Variants in INSYN2B observed in about 807,000 individuals in gnomAD.
INSYN2B encodes inhibitory synaptic factor family member 2B, also known as protein INSYN2B.
A neutral mutation model predicts 41.2 loss-of-function variants in INSYN2B; 16 were observed. The ratio of observed to expected loss-of-function variants is 0.39; its 90% CI spans 0.26 to 0.59. INSYN2B has a LOEUF of 0.59. INSYN2B is among the 20% of genes least tolerant of loss of function. The pLI is 0.57. For missense variants in INSYN2B, 608 were observed against 646.4 expected (o/e 0.94, Z 0.64); for synonymous variants, 245 against 244.4 (o/e 1.00, Z -0.02).
At chr5:169,978,428 G>A (rs1348774574) in intron 1 of INSYN2B, among the ~76,000 whole-genome samples, 1 of 146,688 alleles carries the variant, frequency 6.8e-6, no homozygotes, top group Non-Finnish European at 1.5e-5. Context: ...TGCATTAGAG[G>A]TTGTTAAATA....
intron 1 of INSYN2B, among the ~76,000 whole-genome samples, chr5:169,897,909 C>T (rs943406385): frequency 6.6e-6 from 1 of 152,178 alleles, no homozygotes; most frequent in African/African-American, 2.4e-5. Flanking sequence ...AGATGAACAA[C>T]TCTAATAAAA....
chr5:169,918,220 C>T (rs188996883), intron 1 of INSYN2B, among the ~76,000 whole-genome samples: 200 of 152,298 alleles, frequency 1.3e-3, no homozygotes, highest in African/African-American at 4.6e-3. Flanking sequence ...ACTGCACATC[C>T]TGTTTTGTCT....
intron 1 of INSYN2B, among the ~76,000 whole-genome samples, chr5:169,930,494 G>T (rs1187603427): frequency 1.3e-5 from 2 of 152,104 alleles, no homozygotes; most frequent in East Asian, 3.8e-4. Flanking sequence ...TTCATTCATG[G>T]TAAATGAGTA....
intron 1 of INSYN2B, among the ~76,000 whole-genome samples, chr5:169,911,372 C>T (rs1774589437): frequency 6.6e-6 from 1 of 152,106 alleles, no homozygotes; most frequent in East Asian, 1.9e-4. Flanking sequence ...CATGCTATGG[C>T]GTTCACAGGA....
intron 1 of INSYN2B, among the ~76,000 whole-genome samples, chr5:169,967,420 CA>C (rs1444171718): frequency 6.6e-6 from 1 of 152,114 alleles, no homozygotes; most frequent in African/African-American, 2.4e-5. Context: ...CAGAGGTGAT[CA>C]GAATATGATC....
intron 1 of INSYN2B, among the ~76,000 whole-genome samples, chr5:169,908,691 G>C (rs546807428): frequency 4.7e-5 from 7 of 149,912 alleles, no homozygotes; most frequent in Admixed American, 2.0e-4. Flanking sequence ...AGGTTTCAAT[G>C]CATTTTTCTC....
At chr5:169,872,875 C>T (rs1772075917) in intron 3 of INSYN2B, among the ~76,000 whole-genome samples, 1 of 152,182 alleles carries the variant, frequency 6.6e-6, no homozygotes, top group Non-Finnish European at 1.5e-5. Context: ...GAATGTTAAT[C>T]CTATCCACAT....
intron 1 of INSYN2B, among the ~76,000 whole-genome samples, chr5:169,970,153 C>T (rs972453894): frequency 6.6e-6 from 1 of 152,160 alleles, no homozygotes. Flanking sequence ...AGTGATCAAT[C>T]GTTTGGTTTT....
At chr5:169,971,430 T>G (rs1452460319) in intron 1 of INSYN2B, among the ~76,000 whole-genome samples, 2 of 10,592 alleles carry the variant, frequency 1.9e-4, no homozygotes, top group African/African-American at 8.2e-3. Context: ...CCTAGAGCCT[T>G]TTTTTTTTTT....
At chr5:169,917,682 G>A (rs950548250) in intron 1 of INSYN2B, among the ~76,000 whole-genome samples, 1 of 152,154 alleles carries the variant, frequency 6.6e-6, no homozygotes, top group Non-Finnish European at 1.5e-5. Flanking sequence ...GAAATGAAGG[G>A]GAGAACATGT....
intron 1 of INSYN2B, among the ~76,000 whole-genome samples, chr5:169,925,654 GT>G (rs1180715663): frequency 6.8e-6 from 1 of 148,132 alleles, no homozygotes; most frequent in Non-Finnish European, 1.5e-5. Context: ...GATTGGTTGT[GT>G]GACCTGTGGG....
chr5:169,891,305 G>C (rs1186548861), intron 1 of INSYN2B, among the ~76,000 whole-genome samples: 1 of 152,132 alleles, frequency 6.6e-6, no homozygotes, highest in African/African-American at 2.4e-5. Flanking sequence ...TAGCTTATTT[G>C]TGTATTATCT....
At chr5:169,916,038 T>C (rs972177109) in intron 1 of INSYN2B, among the ~76,000 whole-genome samples, 1 of 152,186 alleles carries the variant, frequency 6.6e-6, no homozygotes, top group Non-Finnish European at 1.5e-5. Flanking sequence ...CATTTTCTCA[T>C]GTTTAGATTA....
chr5:169,951,775 T>C (rs1776677030), intron 1 of INSYN2B, among the ~76,000 whole-genome samples: 1 of 152,194 alleles, frequency 6.6e-6, no homozygotes, highest in South Asian at 2.1e-4. Context: ...TTAAGCCTCT[T>C]CCACACACTA....
intron 1 of INSYN2B, among the ~76,000 whole-genome samples, chr5:169,911,019 A>T (rs893727532): frequency 2.0e-5 from 3 of 152,180 alleles, no homozygotes; most frequent in African/African-American, 4.8e-5. Flanking sequence ...GCCCCAGGAA[A>T]AGCATTTCTA....
chr5:169,975,116 G>T (rs1466725501), intron 1 of INSYN2B, among the ~76,000 whole-genome samples: 1 of 152,204 alleles, frequency 6.6e-6, no homozygotes. Context: ...ACCTGCTGAA[G>T]GAGGGCCAGA....
chr5:169,946,680 C>T (rs146450652), intron 1 of INSYN2B, among the ~76,000 whole-genome samples: 9 of 152,296 alleles, frequency 5.9e-5, no homozygotes, highest in Admixed American at 2.6e-4. Flanking sequence ...CCTGGAGCTA[C>T]GTTCTAATGG....
intron 1 of INSYN2B, among the ~76,000 whole-genome samples, chr5:169,945,317 T>G (rs1448584299): frequency 6.6e-6 from 1 of 152,168 alleles, no homozygotes; most frequent in African/African-American, 2.4e-5. Context: ...TTCTCTTCTC[T>G]CCTCTAGTTA....
intron 1 of INSYN2B, among the ~76,000 whole-genome samples, chr5:169,961,378 C>T (rs1777080294): frequency 6.6e-6 from 1 of 152,248 alleles, no homozygotes; most frequent in South Asian, 2.1e-4. Flanking sequence ...TCTTGCCTTG[C>T]ATCAGGGGAA....
Sources: allele counts gnomAD v4.1 joint callset (sites outside exome capture counted in the v4.1 genomes callset), GRCh38; gene constraint gnomAD v4.1.1; transcripts MANE v1.5; gene names NCBI Gene and HGNC (gene_info 2026-07-23, HGNC 2026-07-21).